GLP2R: variants seen among roughly 807,000 people sequenced by gnomAD.
GLP2R encodes the protein glucagon-like peptide 2 receptor.
In GLP2R, 59 loss-of-function variants were observed where a neutral mutation model predicts 68.2. That is an observed-to-expected ratio of 0.87 (90% CI 0.70 to 1.07). GLP2R has a LOEUF of 1.07. Among genes scored for constraint, GLP2R ranks in the 50% least tolerant of loss-of-function variants. The pLI is 0.00. For missense variants in GLP2R, 548 were observed against 677.4 expected (o/e 0.81, Z 2.12); for synonymous variants, 270 against 265.4 (o/e 1.02, Z -0.17).
Position 9,890,294 on chromosome 17 carries a change from G to T in GLP2R, c.*589G>T. 3.0e-6 allele frequency: 1 copy of T among 330,070 alleles called. No homozygotes were observed. The highest frequency in any genetic ancestry group is 5.9e-6 in the Non-Finnish European group (1 of 168,908). 20.4% of individuals were successfully genotyped at this position (330,070 alleles called of 1,614,324 possible). A position where few individuals can be genotyped will look rare whatever the true frequency, so the allele number is the denominator to read the frequency against. ...AAGCGCCCCCATGTGGCCATGGCAG[G>T]ATGCTGCAAGAGACAGTCTGCTCTC... On this transcript the variant is annotated 3_prime_UTR_variant, in exon 13 of 13. Coordinates refer to ENST00000262441, the MANE Select transcript of GLP2R (RefSeq NM_004246.3).
intron 5 of GLP2R, among the ~76,000 whole-genome samples, chr17:9,855,808 G>C (rs931855793): frequency 6.6e-6 from 1 of 152,212 alleles, no homozygotes; most frequent in Non-Finnish European, 1.5e-5. Context: ...AAGCAGTCTA[G>C]GATCTGAGCA....
At chr17:9,862,210 A>G in intron 9 of GLP2R, 120 bp downstream of exon 9, 1 of 725,366 alleles carries the variant, frequency 1.4e-6, no homozygotes, top group Non-Finnish European at 2.5e-6. Context: ...AAGCTGAACT[A>G]TGAGCATTTT....
intron 3 of GLP2R, among the ~76,000 whole-genome samples, chr17:9,839,826 G>A (rs1023977587): frequency 1.3e-5 from 2 of 152,004 alleles, no homozygotes; most frequent in East Asian, 1.9e-4. Context: ...ACCTTGGCTC[G>A]CACACCTGCC....
At chr17:9,856,822 A>G (rs2066937368) in intron 5 of GLP2R, among the ~76,000 whole-genome samples, 1 of 152,192 alleles carries the variant, frequency 6.6e-6, no homozygotes, top group Admixed American at 6.5e-5. Flanking sequence ...AATAATTCCT[A>G]TACCTCCAGT....
intron 4 of GLP2R, among the ~76,000 whole-genome samples, chr17:9,843,265 G>A (rs1478401225): frequency 1.3e-5 from 2 of 152,176 alleles, no homozygotes; most frequent in African/African-American, 4.8e-5. Context: ...TTATCCTTGG[G>A]ATTTTCCACA....
chr17:9,848,572 C>T (rs549984644), intron 4 of GLP2R, among the ~76,000 whole-genome samples: 6 of 152,186 alleles, frequency 3.9e-5, no homozygotes, highest in Admixed American at 2.0e-4. Flanking sequence ...TTGAAAACTG[C>T]GCTTTCAAAA....
chr17:9,843,354 G>A (rs1010681195), intron 4 of GLP2R, among the ~76,000 whole-genome samples: 6 of 152,224 alleles, frequency 3.9e-5, no homozygotes, highest in Non-Finnish European at 8.8e-5. Flanking sequence ...CCTGGTGCAA[G>A]TTACCTCATC....
intron 1 of GLP2R, among the ~76,000 whole-genome samples, chr17:9,827,497 C>A (rs73265308): frequency 0.17 from 26,326 of 152,086 alleles, 3,047 homozygotes; most frequent in African/African-American, 0.33. Flanking sequence ...ATTGTAATGT[C>A]TTTAACTATC....
chr17:9,874,929 C>G (rs1296848519), intron 10 of GLP2R, among the ~76,000 whole-genome samples: 1 of 152,184 alleles, frequency 6.6e-6, no homozygotes, highest in Non-Finnish European at 1.5e-5. Flanking sequence ...TTCCCCAGAT[C>G]CAGTGTGCCC....
intron 4 of GLP2R, among the ~76,000 whole-genome samples, chr17:9,851,043 C>G (rs554981561): frequency 2.6e-5 from 4 of 152,072 alleles, no homozygotes; most frequent in South Asian, 4.1e-4. Context: ...CAATTCTTGT[C>G]TCAGGATCTG....
chr17:9,883,290 A>G (rs984159730), intron 11 of GLP2R, among the ~76,000 whole-genome samples: 1 of 152,176 alleles, frequency 6.6e-6, no homozygotes, highest in African/African-American at 2.4e-5. Flanking sequence ...AAGATAGGTC[A>G]ATGAGATTAC....
chr17:9,883,912 G>A (rs149051006), intron 11 of GLP2R, among the ~76,000 whole-genome samples: 2,113 of 152,188 alleles, frequency 0.014, 31 homozygotes, highest in Middle Eastern at 0.051. Context: ...AAATCCACAT[G>A]AAGAAATAAA....
At chr17:9,857,210 C>T (rs530936739) in intron 5 of GLP2R, among the ~76,000 whole-genome samples, 3 of 152,284 alleles carry the variant, frequency 2.0e-5, no homozygotes, top group South Asian at 4.1e-4. Flanking sequence ...TGAGCCACCG[C>T]GCCTGGCCGG....
intron 7 of GLP2R, 108 bp downstream of exon 7, chr17:9,860,209 A>T (rs1479656095): frequency 6.7e-6 from 7 of 1,037,510 alleles, no homozygotes; most frequent in Non-Finnish European, 9.6e-6. Context: ...TGCTTCTGGG[A>T]CATATAAGTC....
At chr17:9,882,069 T>A (rs1007914884) in intron 11 of GLP2R, among the ~76,000 whole-genome samples, 1 of 151,164 alleles carries the variant, frequency 6.6e-6, no homozygotes, top group Non-Finnish European at 1.5e-5. Context: ...ATGAGAAGGA[T>A]TCAGTCAAGA....
chr17:9,854,463 AG>A, intron 4 of GLP2R, 31 bp from the exon 5 acceptor site: 2 of 1,313,670 alleles, frequency 1.5e-6, no homozygotes, highest in Non-Finnish European at 2.2e-6. Context: ...CCCATGGCTT[AG>A]TGGTCATGTC....
chr17:9,874,127 A>G (rs1422199224), intron 10 of GLP2R, among the ~76,000 whole-genome samples: 3 of 152,220 alleles, frequency 2.0e-5, no homozygotes, highest in African/African-American at 4.8e-5. Context: ...ATCCTCTATT[A>G]TAATATTTTC....
intron 6 of GLP2R, 51 bp from the exon 7 acceptor site, chr17:9,859,891 A>C: frequency 7.7e-7 from 1 of 1,306,498 alleles, no homozygotes; most frequent in Non-Finnish European, 1.0e-6. Context: ...CCGACTCGGG[A>C]TCAGATGCAG....
chr17:9,826,002 C>A lies in GLP2R; in HGVS notation c.-62C>A. The A allele has an allele frequency of 7.4e-7, 1 of 1,350,188 alleles. No homozygotes were observed. Among genetic ancestry groups the A allele is most frequent in the Non-Finnish European group, 1.0e-6 (1 of 972,652 alleles). The allele number at this position is 1,350,188 out of a possible 1,614,324, so 83.6% of individuals were successfully genotyped here. ...CCAAGAGGAATGCAAGAGGAGGCTG[C>A]CTGCGGTGCATCTTGGACGGCTAGA... is the stretch of plus-strand genomic sequence containing the variant. On this transcript the variant is annotated 5_prime_UTR_variant, in exon 1 of 13. Transcript: ENST00000262441.
Sources: allele counts gnomAD v4.1 joint callset (sites outside exome capture counted in the v4.1 genomes callset), GRCh38; gene constraint gnomAD v4.1.1; transcripts MANE v1.5; gene names NCBI Gene and HGNC (gene_info 2026-07-23, HGNC 2026-07-21).